DCAF13: variants seen among roughly 807,000 people sequenced by gnomAD.
DCAF13 encodes the protein DDB1- and CUL4-associated factor 13.
A neutral mutation model predicts 59.0 loss-of-function variants in DCAF13; 38 were observed. That is an observed-to-expected ratio of 0.64 (90% confidence interval 0.50 to 0.84). The LOEUF (loss-of-function observed/expected upper bound fraction) is 0.84. Among genes scored for constraint, DCAF13 ranks in the 40% least tolerant of loss-of-function variants. DCAF13 has a pLI of 0.00. For missense variants in DCAF13, 469 were observed against 558.4 expected, an observed-to-expected ratio of 0.84 and a Z score of 1.61; for synonymous variants, 173 against 175.0, an observed-to-expected ratio of 0.99 and a Z score of 0.09.
In DCAF13 at chr8:103,442,916, T is replaced by C; in HGVS notation, c.*34T>C. 1 of 1,433,072 alleles carries C rather than the reference T, an allele frequency of 7.0e-7. No individual in the cohort carries two copies. The highest frequency in any genetic ancestry group is 9.6e-7 in the Non-Finnish European group (1 of 1,046,830). The allele number at this position is 1,433,072 out of a possible 1,614,324, so 88.8% of individuals were successfully genotyped here. ...CCTAACAATCCTGATGTATAATTATTTGTTACTTTTGATTTGAGAACTCTA... is the reference window on the plus strand; with the variant it reads ...CCTAACAATCCTGATGTATAATTATCTGTTACTTTTGATTTGAGAACTCTA... On this transcript the variant is annotated 3_prime_UTR_variant, in exon 11 of 11. Transcript: ENST00000612750.
At chr8:103,427,008 A>C in intron 4 of DCAF13, 89 bp from the exon 5 acceptor site, 1 of 1,018,664 alleles carries the variant, frequency 9.8e-7, no homozygotes, top group Non-Finnish European at 1.4e-6. Flanking sequence ...TTCTCTAAAA[A>C]GATAGTATAG....
Position 103,430,652 on chromosome 8 carries a change from TAC to T in DCAF13, c.666_667del (p.Leu223ValfsTer36). 1 of 1,611,680 alleles carries T rather than the reference TAC, an allele frequency of 6.2e-7. No individual in the cohort carries two copies. Among genetic ancestry groups the T allele is most frequent in the Non-Finnish European group, 8.5e-7 (1 of 1,178,868 alleles). The stretch of plus-strand genomic sequence containing the variant: ...AGTTGTGCATCTGACAGGAATATAG[TAC>T]TGTACGATATGAGGCAAGCTACTCC... On this transcript the variant is annotated frameshift_variant, in exon 6 of 11. Transcript: ENST00000612750. LOFTEE classifies it high-confidence loss of function.
rs1411281601 is a variant in DCAF13 at position 103,440,264 on chromosome 8, T to C, written c.1079T>C (p.Leu360Ser). 1 of 1,585,454 alleles carries C rather than the reference T, an allele frequency of 6.3e-7. No individual in the cohort carries two copies. Among genetic ancestry groups the C allele is most frequent in the Admixed American group, 1.8e-5 (1 of 54,454 alleles). ...RLWKANASEKLGVLTSREKAA... is the reference protein window; with the variant it reads ...RLWKANASEKSGVLTSREKAA... ...TGGAAAGCTAATGCTTCTGAAAAAT[T>C]GGGTGTGGTAAGAGAATTCATTTTC... The change falls in exon 9 of 11, where the codon TTG becomes TCG. Residue 360 changes from leucine to serine, a missense_variant. By Grantham distance (145) the Leu-to-Ser change is moderately radical (BLOSUM62 -2). Around this residue, in one of 3 missense-constraint regions of DCAF13, gnomAD observed 30 missense variants for 67.1 expected, o/e 0.45. Coordinates refer to ENST00000612750, the MANE Select transcript of DCAF13 (RefSeq NM_015420.7).
rs747222367 is a variant in DCAF13 at position 103,435,614 on chromosome 8, A to G, written c.786-12A>G. The G allele has an allele frequency of 2.5e-5, 38 of 1,511,850 alleles. No homozygotes were observed. The highest frequency in any genetic ancestry group is 3.2e-5 in the Non-Finnish European group (36 of 1,130,150). The allele number at this position is 1,511,850 out of a possible 1,614,324, so 93.7% of individuals were successfully genotyped here. A position where few individuals can be genotyped will look rare whatever the true frequency, so the allele number is the denominator to read the frequency against. On this transcript the variant is annotated splice_polypyrimidine_tract_variant and intron_variant, in intron 7 of 10. Coordinates refer to ENST00000612750, the MANE Select transcript of DCAF13 (RefSeq NM_015420.7). ...AGAAATATGTGTCAAATATTTAAAA[A>G]TTCTTTTACAGCTTATATACTTTTG...
intron 1 of DCAF13, among the ~76,000 whole-genome samples, chr8:103,418,867 T>TATATATATA (rs1491287087): frequency 1.1e-4 from 1 of 8,950 alleles, no homozygotes; most frequent in African/African-American, 3.3e-4. Flanking sequence ...TATATATATA[T>TATATATATA]TTTTTTTTTT....
chr8:103,436,092 A>G (rs549096971), intron 8 of DCAF13, among the ~76,000 whole-genome samples: 27 of 152,282 alleles, frequency 1.8e-4, no homozygotes, highest in African/African-American at 6.0e-4. Flanking sequence ...GTAAAAATCC[A>G]GTATTATCTT....
chr8:103,426,762 A>G (rs1816797193), intron 4 of DCAF13, among the ~76,000 whole-genome samples: 1 of 152,154 alleles, frequency 6.6e-6, no homozygotes, highest in Admixed American at 6.5e-5. Context: ...TGTCGTTTCA[A>G]TATTATGGTT....
chr8:103,422,151 A>G (rs1402484651), intron 3 of DCAF13, among the ~76,000 whole-genome samples: 1 of 152,194 alleles, frequency 6.6e-6, no homozygotes, highest in Non-Finnish European at 1.5e-5. Context: ...TTGACAACTG[A>G]GAGGTGCCTG....
At chr8:103,419,332 C>T (rs921609089) in intron 1 of DCAF13, among the ~76,000 whole-genome samples, 5 of 152,158 alleles carry the variant, frequency 3.3e-5, no homozygotes, top group African/African-American at 1.2e-4. Flanking sequence ...TCAGTTTTCC[C>T]ATCAATAAAG....
chr8:103,435,665 A>G lies in DCAF13; in HGVS notation c.825A>G (p.Val275=). The G allele has an allele frequency of 6.2e-7, 1 of 1,610,008 alleles. No homozygotes were observed. Among genetic ancestry groups the G allele is most frequent in the Non-Finnish European group, 8.5e-7 (1 of 1,177,654 alleles). Residue 275 remains valine, a synonymous_variant, in exon 8 of 11, where the codon GTA becomes GTG. Transcript: ENST00000612750. ...TFDMRALDTP[V]MVHMDHVSAV... ...ATATGCGTGCACTGGACACTCCTGT[A>G]ATGGTCCATATGGATCATGTATCTG...
chr8:103,431,269 A>G (rs568479247), intron 6 of DCAF13, among the ~76,000 whole-genome samples: 41 of 152,320 alleles, frequency 2.7e-4, no homozygotes, highest in African/African-American at 8.9e-4. Context: ...CTCAAGAGGG[A>G]GACAGATACT....
chr8:103,423,802 T>G (rs2130479914), intron 3 of DCAF13, among the ~76,000 whole-genome samples: 2 of 152,288 alleles, frequency 1.3e-5, no homozygotes, highest in South Asian at 4.1e-4. Context: ...ATTTGTAAAT[T>G]AAATAAAAAA....
chr8:103,442,502 C>CT lies in DCAF13; in HGVS notation c.1251-286dup, dbSNP rs1163239499. 3 of 205,888 alleles carry CT rather than the reference C, an allele frequency of 1.5e-5. No individual in the cohort carries two copies. The South Asian group carries it at 4.9e-4, about 34-fold the overall frequency. 12.8% of individuals were successfully genotyped at this position (205,888 alleles called of 1,614,324 possible). A position where few individuals can be genotyped will look rare whatever the true frequency, so the allele number is the denominator to read the frequency against. ...TTTCAATTAGAATATACAAATGGCT[C>CT]TTTTTTTCTGTCTTTGGGTAGATGT... On this transcript the variant is annotated intron_variant, in intron 10 of 10. Coordinates refer to ENST00000612750, the MANE Select transcript of DCAF13 (RefSeq NM_015420.7).
chr8:103,420,694 A>G (rs1816710659), intron 2 of DCAF13: 2 of 587,500 alleles, frequency 3.4e-6, no homozygotes, highest in African/African-American at 3.7e-5. Flanking sequence ...GTTTATAATT[A>G]AAGTATTTAA....
chr8:103,425,760 C>T lies in DCAF13; in HGVS notation c.379-296C>T, dbSNP rs865963439. The stretch of plus-strand genomic sequence containing the variant: ...ATATTATAATACCATTTTTTATAAT[C>T]CATTTTTTCTCCAAGTTGAAATGCC... On this transcript the variant is annotated intron_variant, in intron 3 of 10. Coordinates refer to ENST00000612750, the MANE Select transcript of DCAF13 (RefSeq NM_015420.7). 5.9e-5 allele frequency among the ~76,000 whole-genome samples: 9 copies of T among 152,174 alleles called. No homozygotes were observed. The Middle Eastern group carries it at 0.017, about 288-fold the overall frequency.
chr8:103,420,997 A>T lies in DCAF13; in HGVS notation c.293A>T (p.Gln98Leu), dbSNP rs752015905. Residue 98 changes from glutamine (Q) to leucine (L), a missense_variant, in exon 3 of 11, where the codon CAG becomes CTG. Physicochemically the swap from Gln to Leu is moderately radical, Grantham distance 113. Transcript: ENST00000612750. The stretch of plus-strand genomic sequence containing the variant: ...TAGGTTAGAATTTGGAATCTAACTC[A>T]GCGGAATTGTATCCGTACAATACAA... Reference protein sequence around the residue: ...DGEVRIWNLTQRNCIRTIQAH... With the variant: ...DGEVRIWNLTLRNCIRTIQAH... 2 of 1,612,780 alleles carry T rather than the reference A, an allele frequency of 1.2e-6. No homozygotes were observed. The highest frequency in any genetic ancestry group is 4.5e-5 in the East Asian group (2 of 44,822).
intron 1 of DCAF13, among the ~76,000 whole-genome samples, chr8:103,416,244 T>G (rs1397150511): frequency 6.6e-6 from 1 of 152,234 alleles, no homozygotes; most frequent in Non-Finnish European, 1.5e-5. Context: ...GCGAAAACAG[T>G]ATTTCACTAT....
intron 1 of DCAF13, among the ~76,000 whole-genome samples, chr8:103,418,814 C>A (rs2130471884): frequency 1.0e-5 from 1 of 96,824 alleles, no homozygotes; most frequent in East Asian, 3.5e-4. Flanking sequence ...AAATTACTTT[C>A]TAAGCATAAT....
chr8:103,426,459 G>C (rs147194382), intron 4 of DCAF13, among the ~76,000 whole-genome samples: 7 of 151,900 alleles, frequency 4.6e-5, no homozygotes, highest in African/African-American at 1.4e-4. Context: ...AAATGCTTCA[G>C]CTTGTCTAGT....
Sources: gnomAD v4.1 joint callset for allele counts (sites outside exome capture counted in the v4.1 genomes callset) on GRCh38, gnomAD v4.1.1 for gene constraint, gnomAD v4.1.1 regional missense constraint, MANE v1.5 for transcripts, NCBI Gene and HGNC (gene_info 2026-07-23, HGNC 2026-07-21) for gene names.